VAC14: variants seen among roughly 807,000 people sequenced by gnomAD.
VAC14 encodes the protein VAC14 component of PIKFYVE complex.
In VAC14, 47 loss-of-function variants were observed where a neutral mutation model predicts 85.3. The observed-to-expected ratio is 0.55, with a 90% CI of 0.44 to 0.70. The LOEUF (loss-of-function observed/expected upper bound fraction) is 0.70. VAC14 is among the 30% of genes least tolerant of loss of function. The pLI is 0.00. For synonymous variants in VAC14, 447 were observed against 430.5 expected (o/e 1.04, Z -0.47); for missense variants, 861 against 1,004.3 (o/e 0.86, Z 1.93).
intron 9 of VAC14, among the ~76,000 whole-genome samples, chr16:70,776,490 C>T (rs1476733766): frequency 2.6e-5 from 4 of 152,194 alleles, no homozygotes; most frequent in African/African-American, 9.7e-5. Context: ...CTTAAAAGAG[C>T]TCTTTCTTGT....
chr16:70,729,893 C>G (rs1468831701), intron 14 of VAC14, among the ~76,000 whole-genome samples: 2 of 152,030 alleles, frequency 1.3e-5, no homozygotes, highest in Admixed American at 6.6e-5. Context: ...CTCGGTACCC[C>G]CTTGGAGAGC....
At chr16:70,752,808 C>T (rs1198400608) in intron 12 of VAC14, among the ~76,000 whole-genome samples, 1 of 152,240 alleles carries the variant, frequency 6.6e-6, no homozygotes, top group Non-Finnish European at 1.5e-5. Context: ...ATGAGCTCCT[C>T]ATCCAACCAA....
In VAC14 at chr16:70,740,291, G is replaced by A. The variant is rs567000678; in HGVS notation, c.1528+4132C>T. 1.9e-3 allele frequency among the ~76,000 whole-genome samples: 288 copies of A among 152,330 alleles called. 11 individuals are homozygous for A. In the South Asian group the frequency reaches 0.057, roughly 30 times the overall value. On this transcript the variant is annotated intron_variant, in intron 13 of 18. Transcript: ENST00000261776. ...AACAGTTTTATCCCAGCAGCATTGGGCCCCGTGGCAGGCAAAGTCAGGGAA... is the reference window on the plus strand; with the variant it reads ...AACAGTTTTATCCCAGCAGCATTGGACCCCGTGGCAGGCAAAGTCAGGGAA...
chr16:70,771,937 C>G (rs987158046), intron 10 of VAC14, 172 bp downstream of exon 10: 2 of 633,366 alleles, frequency 3.2e-6, no homozygotes, highest in African/African-American at 3.7e-5. Context: ...GGTGGGCTTG[C>G]TCAGTGTCCT....
In VAC14 at chr16:70,785,807, G is replaced by C. The variant is rs892725755; in HGVS notation, c.318C>G (p.Asp106Glu). 7 of 1,601,600 alleles carry C rather than the reference G, an allele frequency of 4.4e-6. No individual in the cohort carries two copies. In the Admixed American group the frequency reaches 5.1e-5, roughly 12 times the overall value. ...CGCAGGCATAGTAGCGCAGCCTGCT[G>C]TCTGCATCATTGAAGCAGGTCAGCA... ...EPVLTCFNDA[D>E]SRLRYYACEA... The change falls in exon 3 of 19, where the codon GAC (aspartate) becomes GAG (glutamate). Residue 106 changes from aspartate (D) to glutamate (E), a missense_variant. By Grantham distance (45) the Asp-to-Glu change is conservative. Coordinates refer to ENST00000261776, the MANE Select transcript of VAC14 (RefSeq NM_018052.5).
chr16:70,757,221 A>T (rs2031941341), intron 12 of VAC14, among the ~76,000 whole-genome samples: 1 of 152,222 alleles, frequency 6.6e-6, no homozygotes, highest in East Asian at 1.9e-4. Context: ...GACTGAGCCC[A>T]GCAGGGCTTG....
chr16:70,719,440 G>A (rs1290794380), intron 14 of VAC14, among the ~76,000 whole-genome samples: 1 of 152,158 alleles, frequency 6.6e-6, no homozygotes, highest in Admixed American at 6.5e-5. Flanking sequence ...GAGTGATAAG[G>A]CATGCCACAG....
chr16:70,773,852 C>A (rs556968871), intron 9 of VAC14, among the ~76,000 whole-genome samples: 3 of 151,986 alleles, frequency 2.0e-5, no homozygotes, highest in Non-Finnish European at 4.4e-5. Context: ...GCAATCTTCG[C>A]CTCCTGCACT....
chr16:70,754,936 C>A (rs1377202351), intron 12 of VAC14, among the ~76,000 whole-genome samples: 1 of 152,156 alleles, frequency 6.6e-6, no homozygotes, highest in Admixed American at 6.5e-5. Flanking sequence ...GAGCAGGCAG[C>A]ATTAGTATTC....
chr16:70,731,325 C>T, intron 14 of VAC14, 170 bp downstream of exon 14: 2 of 1,459,690 alleles, frequency 1.4e-6, no homozygotes, highest in Non-Finnish European at 1.8e-6. Flanking sequence ...TCAGAAGCAT[C>T]AGCAACCAGT....
At chr16:70,708,401 G>A (rs1311151097) in intron 14 of VAC14, among the ~76,000 whole-genome samples, 1 of 152,226 alleles carries the variant, frequency 6.6e-6, no homozygotes, top group Non-Finnish European at 1.5e-5. Context: ...CTTTGGCCGT[G>A]GGGCTGGGCA....
intron 12 of VAC14, among the ~76,000 whole-genome samples, chr16:70,758,922 A>G (rs966293077): frequency 6.6e-6 from 1 of 152,220 alleles, no homozygotes; most frequent in African/African-American, 2.4e-5. Flanking sequence ...GGTGGTGCTG[A>G]GGAAACAGCC....
In VAC14 at chr16:70,741,980, C is replaced by A. The variant is rs529980875; in HGVS notation, c.1528+2443G>T. On this transcript the variant is annotated intron_variant, in intron 13 of 18. Transcript: ENST00000261776. ...GCTCCCCCATGGCACACGTCCTACTCCCTCCGGCCCAGGCTGCCCTCGGCA... is the reference window on the plus strand; with the variant it reads ...GCTCCCCCATGGCACACGTCCTACTACCTCCGGCCCAGGCTGCCCTCGGCA... Among the ~76,000 whole-genome samples, 5 of 152,340 alleles carry A rather than the reference C, an allele frequency of 3.3e-5. No individual in the cohort carries two copies. In the East Asian group the frequency reaches 5.8e-4, roughly 18 times the overall value.
Position 70,689,470 on chromosome 16 carries a change from T to C in VAC14, c.2187-1380A>G, listed in dbSNP as rs934025667. ...CAACGGCCAGAGCCTGACAGTTGCT[T>C]CAGGTGGCCACCAGCCTGCTGGGCA... On this transcript the variant is annotated intron_variant, in intron 18 of 18. Coordinates refer to ENST00000261776, the MANE Select transcript of VAC14 (RefSeq NM_018052.5). 6 of 930,834 alleles carry C rather than the reference T, an allele frequency of 6.4e-6. No individual in the cohort carries two copies. The African/African-American group carries it at 1.5e-4, about 23-fold the overall frequency. The allele number at this position is 930,834 out of a possible 1,614,324, so 57.7% of individuals were successfully genotyped here.
intron 9 of VAC14, 94 bp from the exon 10 acceptor site, chr16:70,772,266 A>T: frequency 9.2e-7 from 1 of 1,085,768 alleles, no homozygotes; most frequent in Non-Finnish European, 1.4e-6. Flanking sequence ...AACTCTCCAG[A>T]GCCCCATACC....
chr16:70,776,356 C>T (rs959287696), intron 9 of VAC14, among the ~76,000 whole-genome samples: 41 of 151,802 alleles, frequency 2.7e-4, no homozygotes, highest in Middle Eastern at 3.5e-3. Flanking sequence ...GCAATCCTCC[C>T]GCCTCAGCCT....
chr16:70,745,894 G>A (rs538409688), intron 12 of VAC14, among the ~76,000 whole-genome samples: 2 of 152,222 alleles, frequency 1.3e-5, no homozygotes, highest in East Asian at 1.9e-4. Context: ...GGCCAGGACC[G>A]GCCAGGTGGC....
chr16:70,783,673 T>C, intron 5 of VAC14, 119 bp from the exon 6 acceptor site: 1 of 963,594 alleles, frequency 1.0e-6, no homozygotes, highest in East Asian at 2.5e-5. Context: ...TTCCCTGCAG[T>C]GCAGGTGTCC....
Position 70,763,037 on chromosome 16 carries a change from A to G in VAC14, c.1161-12T>C. On this transcript the variant is annotated splice_polypyrimidine_tract_variant and intron_variant, in intron 10 of 18. Transcript: ENST00000261776. ...GGGCTCTTTCAGTGCTGTGGGTAAG[A>G]TCGGGAGGGAGAGCAGAGGTGAAGC... The G allele has an allele frequency of 6.2e-7, 1 of 1,614,114 alleles. No homozygotes were observed. The highest frequency in any genetic ancestry group is 1.1e-5 in the South Asian group (1 of 91,084).
Sources: gnomAD v4.1 joint callset for allele counts (sites outside exome capture counted in the v4.1 genomes callset) on GRCh38, gnomAD v4.1.1 for gene constraint, MANE v1.5 for transcripts, NCBI Gene and HGNC (gene_info 2026-07-23, HGNC 2026-07-21) for gene names.